Variants in LCLAT1 observed in about 807,000 individuals in gnomAD.
The protein encoded by LCLAT1 is lysocardiolipin acyltransferase 1.
Under a neutral mutation model 30.7 loss-of-function variants are expected in LCLAT1, and 11 were observed. That is an observed-to-expected ratio of 0.36 (90% CI 0.23 to 0.59). The LOEUF is 0.59. LCLAT1 is among the 20% of genes least tolerant of loss of function. The pLI is 0.77. For missense variants in LCLAT1, 402 were observed against 458.6 expected (o/e 0.88, Z 1.13); for synonymous variants, 155 against 151.3 (o/e 1.02, Z -0.18).
At chr2:30,638,971 T>C (rs1217766015) in intron 5 of LCLAT1, among the ~76,000 whole-genome samples, 1 of 152,204 alleles carries the variant, frequency 6.6e-6, no homozygotes, top group Non-Finnish European at 1.5e-5. Flanking sequence ...CTTTTGCCCT[T>C]GGTCCTCTCC....
intron 1 of LCLAT1, among the ~76,000 whole-genome samples, chr2:30,522,949 A>G (rs995731189): frequency 2.0e-4 from 30 of 152,120 alleles, no homozygotes; most frequent in Non-Finnish European, 8.8e-5. Context: ...CATAATGAAA[A>G]TATTTTATTA....
At chr2:30,464,085 A>G (rs1682302813) in intron 1 of LCLAT1, among the ~76,000 whole-genome samples, 1 of 152,174 alleles carries the variant, frequency 6.6e-6, no homozygotes, top group Admixed American at 6.5e-5. Context: ...TAGCAATTGT[A>G]TGTTTGAGGC....
chr2:30,572,048 A>G (rs1197516055), intron 5 of LCLAT1, among the ~76,000 whole-genome samples: 1 of 152,172 alleles, frequency 6.6e-6, no homozygotes, highest in Non-Finnish European at 1.5e-5. Flanking sequence ...TTGCCTCAGG[A>G]GAAGTATGCA....
intron 1 of LCLAT1, among the ~76,000 whole-genome samples, chr2:30,476,841 G>A (rs1001865380): frequency 6.6e-6 from 1 of 152,154 alleles, no homozygotes; most frequent in Non-Finnish European, 1.5e-5. Context: ...CTCTCTGAGG[G>A]TGTATTTAGT....
intron 5 of LCLAT1, among the ~76,000 whole-genome samples, chr2:30,632,424 G>A (rs913628954): frequency 1.3e-5 from 2 of 152,134 alleles, no homozygotes; most frequent in Non-Finnish European, 2.9e-5. Context: ...GACATAATAG[G>A]GCTCAGAGCC....
At chr2:30,586,024 C>T (rs1666418195) in intron 5 of LCLAT1, among the ~76,000 whole-genome samples, 1 of 151,996 alleles carries the variant, frequency 6.6e-6, no homozygotes, top group Non-Finnish European at 1.5e-5. Flanking sequence ...AGGCAGATCA[C>T]GAGGTCCGGA....
chr2:30,536,515 G>A (rs145305654), intron 3 of LCLAT1, among the ~76,000 whole-genome samples: 3 of 152,324 alleles, frequency 2.0e-5, no homozygotes, highest in African/African-American at 4.8e-5. Flanking sequence ...ACTGTCAGCC[G>A]AGGATACTGT....
intron 5 of LCLAT1, among the ~76,000 whole-genome samples, chr2:30,579,398 G>A (rs1195445033): frequency 6.6e-6 from 1 of 152,118 alleles, no homozygotes; most frequent in East Asian, 1.9e-4. Flanking sequence ...TAAGTCCTAT[G>A]TGTTGTAGTT....
At chr2:30,614,867 A>G (rs1667918248) in intron 5 of LCLAT1, among the ~76,000 whole-genome samples, 1 of 152,134 alleles carries the variant, frequency 6.6e-6, no homozygotes, top group South Asian at 2.1e-4. Flanking sequence ...ATCCACAAAG[A>G]AGACTTCAGA....
intron 3 of LCLAT1, among the ~76,000 whole-genome samples, chr2:30,556,533 AT>A (rs1464009859): frequency 1.3e-5 from 2 of 151,740 alleles, no homozygotes; most frequent in African/African-American, 4.8e-5. Flanking sequence ...AGAAAAAAAA[AT>A]CCCAATAAAT....
intron 5 of LCLAT1, among the ~76,000 whole-genome samples, chr2:30,580,833 T>C (rs1666182665): frequency 6.6e-6 from 1 of 152,158 alleles, no homozygotes; most frequent in Non-Finnish European, 1.5e-5. Context: ...AGTAAATCGT[T>C]CCCTTCTTAG....
intron 1 of LCLAT1, among the ~76,000 whole-genome samples, chr2:30,491,013 A>G (rs1225868126): frequency 1.3e-5 from 2 of 152,248 alleles, no homozygotes; most frequent in Non-Finnish European, 2.9e-5. Flanking sequence ...ACTAGGTTAA[A>G]TACATTATTT....
At chr2:30,587,516 T>C (rs1355582388) in intron 5 of LCLAT1, among the ~76,000 whole-genome samples, 10 of 152,218 alleles carry the variant, frequency 6.6e-5, no homozygotes, top group Non-Finnish European at 2.9e-5. Context: ...ATACAGACTT[T>C]GATGCATTAA....
rs1384839859 is a variant in LCLAT1, at chr2:30,532,961, C to G, written c.166-155C>G. Among the ~76,000 whole-genome samples the G allele has an allele frequency of 3.9e-5, 6 of 152,036 alleles. 1 individual carries two copies. The South Asian group carries it at 1.0e-3, about 26-fold the overall frequency. The stretch of plus-strand genomic sequence containing the variant: ...TTGATATTCTCATTCTTCTAGATAA[C>G]CTCACCACTCAATTTTTTATTATAG... On this transcript the variant is annotated intron_variant, in intron 2 of 5. Coordinates refer to ENST00000379509, the MANE Select transcript of LCLAT1 (RefSeq NM_001002257.3).
At chr2:30,484,584 A>G (rs532998935) in intron 1 of LCLAT1, among the ~76,000 whole-genome samples, 29 of 152,292 alleles carry the variant, frequency 1.9e-4, no homozygotes, top group South Asian at 1.0e-3. Context: ...GGCAAGAGCT[A>G]TGTTGTGCAG....
chr2:30,476,645 A>C (rs577842386), intron 1 of LCLAT1: 7 of 401,132 alleles, frequency 1.7e-5, no homozygotes, highest in African/African-American at 1.5e-4. Context: ...GGTGAGTTGT[A>C]TAATTATTTC....
Position 30,643,589 on chromosome 2 carries a change from A to C in LCLAT1, c.*2970A>C, listed in dbSNP as rs1232136979. 1.3e-5 allele frequency: 2 copies of C among 152,552 alleles called. No homozygotes were observed. The highest frequency in any genetic ancestry group is 2.9e-5 in the Non-Finnish European group (2 of 68,048). The allele number at this position is 152,552 out of a possible 1,614,324, so 9.4% of individuals were successfully genotyped here. ...AATTCAACAGCACCATGTTAGAAAT[A>C]TATTGGCAGCCAAGACTCTGAACTC... On this transcript the variant is annotated 3_prime_UTR_variant, in exon 6 of 6. Transcript: ENST00000379509.
intron 4 of LCLAT1, among the ~76,000 whole-genome samples, chr2:30,566,325 G>T (rs563903793): frequency 6.6e-6 from 1 of 152,036 alleles, no homozygotes; most frequent in Non-Finnish European, 1.5e-5. Flanking sequence ...TCATCTTTGT[G>T]GTGTCTATGG....
At position 30,460,070 on chromosome 2, in the gene LCLAT1, C is replaced by G. The variant is rs150176090; in HGVS notation, c.-5+12687C>G. Among the ~76,000 whole-genome samples the G allele has an allele frequency of 4.3e-3, 649 of 152,298 alleles. 6 individuals carry two copies. In the Middle Eastern group the frequency reaches 0.044, roughly 10 times the overall value. ...AATTTTTTGGAGGTTATCCCTTACA[C>G]TTTCTGCTGCATGCAGTAACTTGCT... On this transcript the variant is annotated intron_variant, in intron 1 of 5. Coordinates refer to ENST00000379509, the MANE Select transcript of LCLAT1 (RefSeq NM_001002257.3).
Sources: allele counts gnomAD v4.1 joint callset (sites outside exome capture counted in the v4.1 genomes callset), GRCh38; gene constraint gnomAD v4.1.1; transcripts MANE v1.5; gene names NCBI Gene and HGNC (gene_info 2026-07-23, HGNC 2026-07-21).